DIAPH1: variants seen among roughly 807,000 people sequenced by gnomAD.
The protein encoded by DIAPH1 is diaphanous related formin 1.
Under a neutral mutation model 140.7 loss-of-function variants are expected in DIAPH1, and 46 were observed. The ratio of observed to expected loss-of-function variants is 0.33; its 90% CI spans 0.26 to 0.42. The LOEUF (loss-of-function observed/expected upper bound fraction) is 0.42, where lower values mean the gene tolerates loss of function less well. Ranked by LOEUF, DIAPH1 falls within the 10% of genes least tolerant of loss-of-function variation. The pLI is 1.00. For synonymous variants in DIAPH1, 565 were observed against 551.6 expected (o/e 1.02, Z -0.34); for missense variants, 1,310 against 1,558.7 (o/e 0.84, Z 2.69).
intron 18 of DIAPH1, among the ~76,000 whole-genome samples, chr5:141,538,947 C>T (rs1236909561): frequency 6.6e-6 from 1 of 152,078 alleles, no homozygotes; most frequent in Non-Finnish European, 1.5e-5. Flanking sequence ...ATGTCATTGT[C>T]TGATTTTGCC....
intron 14 of DIAPH1, among the ~76,000 whole-genome samples, chr5:141,575,605 C>T (rs1442297147): frequency 2.0e-5 from 3 of 151,498 alleles, no homozygotes; most frequent in South Asian, 2.1e-4. Context: ...GCCGAGATCG[C>T]GCCACTGCAC....
rs1431287012 is a variant in DIAPH1 at position 141,555,638 on chromosome 5, TCA to T, written c.2482+15788_2482+15789del. 3.9e-5 allele frequency among the ~76,000 whole-genome samples: 6 copies of T among 152,272 alleles called. No homozygotes were observed. The East Asian group carries it at 9.7e-4, about 24-fold the overall frequency. On this transcript the variant is annotated intron_variant, in intron 18 of 27. Coordinates refer to ENST00000389054, the MANE Select transcript of DIAPH1 (RefSeq NM_005219.5). ...AAACAACATCAAGGGCTGAGTAATT[TCA>T]GTTTACAGAATTGTGTGAAATAAGG... is the stretch of plus-strand genomic sequence containing the variant.
At chr5:141,581,878 C>T (rs2099896803) in intron 7 of DIAPH1, 2 of 163,774 alleles carry the variant, frequency 1.2e-5, no homozygotes, top group African/African-American at 4.8e-5. Context: ...CATGGTAAAA[C>T]CCCGTCTCTA....
At chr5:141,554,738 G>A (rs1262512542) in intron 18 of DIAPH1, among the ~76,000 whole-genome samples, 3 of 152,068 alleles carry the variant, frequency 2.0e-5, no homozygotes, top group South Asian at 4.2e-4. Context: ...ATGCAAAATC[G>A]GTGTAACAGA....
At position 141,587,172 on chromosome 5, in the gene DIAPH1, A is replaced by G. The variant is rs765404982; in HGVS notation, c.170T>C (p.Ile57Thr). The G allele has an allele frequency of 1.2e-5, 20 of 1,613,978 alleles. 1 individual carries two copies. Among genetic ancestry groups the G allele is most frequent in the Non-Finnish European group, 1.6e-5 (19 of 1,180,010 alleles). The change falls in exon 3 of 28, where the codon ATT (isoleucine) becomes ACT (threonine). Residue 57 changes from isoleucine to threonine, a missense_variant. Ile to Thr is a moderately conservative substitution (Grantham distance 89). Transcript: ENST00000389054. ...DELERFTSMR[I>T]KKEKEKPNSA... The stretch of plus-strand genomic sequence containing the variant: ...ATTGGGCTTTTCCTTCTCCTTCTTA[A>G]TTCTCATGCTGGTAAATCTCTCCAG...
chr5:141,585,856 T>C (rs1478244426), intron 3 of DIAPH1, among the ~76,000 whole-genome samples: 1 of 152,232 alleles, frequency 6.6e-6, no homozygotes, highest in Non-Finnish European at 1.5e-5. Flanking sequence ...TTTGGAATTG[T>C]GATTTGAACA....
intron 18 of DIAPH1, among the ~76,000 whole-genome samples, 175 bp downstream of exon 18, chr5:141,571,253 G>C (rs775044839): frequency 5.3e-5 from 8 of 152,140 alleles, no homozygotes; most frequent in Admixed American, 2.0e-4. Context: ...TAATGCCAAA[G>C]CTATTGGTCA....
intron 18 of DIAPH1, among the ~76,000 whole-genome samples, chr5:141,558,735 A>T (rs1166134058): frequency 2.6e-5 from 4 of 152,130 alleles, no homozygotes; most frequent in African/African-American, 9.7e-5. Flanking sequence ...ACCTATGACT[A>T]AAAAAGAACA....
intron 18 of DIAPH1, among the ~76,000 whole-genome samples, chr5:141,569,202 A>T (rs1196945990): frequency 6.6e-6 from 1 of 152,160 alleles, no homozygotes; most frequent in Non-Finnish European, 1.5e-5. Flanking sequence ...TAAGAAGTAG[A>T]AGGCTAGAGC....
At chr5:141,528,337 A>C in intron 23 of DIAPH1, 116 bp downstream of exon 23, 1 of 1,470,234 alleles carries the variant, frequency 6.8e-7, no homozygotes, top group South Asian at 1.2e-5. Context: ...CCTAAATCCT[A>C]TCTCATTTCC....
chr5:141,590,806 G>A (rs1368580661), intron 1 of DIAPH1, among the ~76,000 whole-genome samples: 2 of 150,484 alleles, frequency 1.3e-5, no homozygotes, highest in Non-Finnish European at 2.9e-5. Flanking sequence ...CTCTTGATTC[G>A]TCTCTCTTCC....
At chr5:141,607,871 C>A (rs2099901211) in intron 1 of DIAPH1, among the ~76,000 whole-genome samples, 1 of 152,116 alleles carries the variant, frequency 6.6e-6, no homozygotes, top group African/African-American at 2.4e-5. Flanking sequence ...TTAACACTGC[C>A]CGCAATTACA....
intron 26 of DIAPH1, 121 bp downstream of exon 26, chr5:141,525,917 G>C: frequency 6.6e-7 from 1 of 1,512,202 alleles, no homozygotes; most frequent in Non-Finnish European, 9.1e-7. Flanking sequence ...TCGGAGTGAA[G>C]ACTGCCAAAA....
At chr5:141,577,950 T>C in intron 11 of DIAPH1, 1 of 547,142 alleles carries the variant, frequency 1.8e-6, no homozygotes, top group Admixed American at 3.1e-5. Context: ...TTCTACATCT[T>C]AGTAAGCTAA....
intron 27 of DIAPH1, among the ~76,000 whole-genome samples, chr5:141,523,544 A>C (rs1024902160): frequency 6.6e-5 from 10 of 152,158 alleles, no homozygotes; most frequent in Admixed American, 1.3e-4. Context: ...ACATGAAAGG[A>C]GATTGCAGGG....
At chr5:141,521,218 T>C (rs1022461009) in intron 27 of DIAPH1, among the ~76,000 whole-genome samples, 3 of 152,184 alleles carry the variant, frequency 2.0e-5, no homozygotes, top group South Asian at 2.1e-4. Flanking sequence ...ATGGAGCTTA[T>C]AGGGAAGCTG....
At chr5:141,615,458 A>T (rs1274718651) in intron 1 of DIAPH1, among the ~76,000 whole-genome samples, 1 of 117,410 alleles carries the variant, frequency 8.5e-6, no homozygotes, top group Admixed American at 8.9e-5. Flanking sequence ...AAAAAAAAAA[A>T]GGGCCGCACG....
chr5:141,534,960 GT>G (rs911994321), intron 18 of DIAPH1, among the ~76,000 whole-genome samples: 9 of 152,072 alleles, frequency 5.9e-5, no homozygotes, highest in African/African-American at 1.9e-4. Context: ...TTTTTTGTTT[GT>G]TTTTTGAGAC....
intron 1 of DIAPH1, among the ~76,000 whole-genome samples, chr5:141,614,824 A>T (rs975428819): frequency 2.0e-5 from 3 of 152,176 alleles, no homozygotes; most frequent in Non-Finnish European, 4.4e-5. Flanking sequence ...TTAAAAAAAA[A>T]AAAAGGTGTA....
Sources: allele counts gnomAD v4.1 joint callset (sites outside exome capture counted in the v4.1 genomes callset), GRCh38; gene constraint gnomAD v4.1.1; transcripts MANE v1.5; gene names NCBI Gene and HGNC (gene_info 2026-07-23, HGNC 2026-07-21).